HAPLN1: variants seen among roughly 807,000 people sequenced by gnomAD.
HAPLN1 encodes the protein Cartilage link protein.
A neutral mutation model predicts 36.5 loss-of-function variants in HAPLN1; 13 were observed. The observed-to-expected ratio is 0.36, with a 90% CI of 0.23 to 0.57. The LOEUF (loss-of-function observed/expected upper bound fraction) is 0.57. HAPLN1 is among the 20% of genes least tolerant of loss of function. The pLI is 0.83. For missense variants in HAPLN1, 407 were observed against 439.7 expected (o/e 0.93, Z 0.66); for synonymous variants, 202 against 169.8 (o/e 1.19, Z -1.48).
chr5:83,709,023 G>A (rs974096072), intron 1 of HAPLN1, among the ~76,000 whole-genome samples: 4 of 152,082 alleles, frequency 2.6e-5, no homozygotes, highest in Admixed American at 6.5e-5. Context: ...CTACAGGCAT[G>A]TGCCACCATG....
At position 83,652,634 on chromosome 5, in the gene HAPLN1, G is replaced by A; in HGVS notation, c.291C>T (p.Ser97=). 1.2e-6 allele frequency: 2 copies of A among 1,614,004 alleles called. No individual in the cohort carries two copies. The highest frequency in any genetic ancestry group is 1.7e-6 in the Non-Finnish European group (2 of 1,179,990). ...CATAGGTTTTTTTGTGGTATCCCAT[G>A]GAAACAAAAACATCCACTTCCTTGA... ...DYLKEVDVFV[S]MGYHKKTYGG... The change falls in exon 3 of 5, where the codon TCC becomes TCT. Residue 97 remains serine (S), a synonymous_variant. Coordinates refer to ENST00000274341, the MANE Select transcript of HAPLN1 (RefSeq NM_001884.4).
chr5:83,655,775 C>A (rs182919198), intron 2 of HAPLN1, among the ~76,000 whole-genome samples: 2 of 152,240 alleles, frequency 1.3e-5, no homozygotes, highest in East Asian at 3.9e-4. Context: ...CATGCCTTAG[C>A]TGTTGGACTC....
At chr5:83,709,080 T>C (rs543324794) in intron 1 of HAPLN1, among the ~76,000 whole-genome samples, 7 of 152,162 alleles carry the variant, frequency 4.6e-5, no homozygotes, top group African/African-American at 7.2e-5. Context: ...GTTTTCACCA[T>C]GTTGGTCAGG....
rs182944776 is a variant in HAPLN1, at chr5:83,650,796, G to A, written c.472+1657C>T. On this transcript the variant is annotated intron_variant, in intron 3 of 4. Coordinates refer to ENST00000274341, the MANE Select transcript of HAPLN1 (RefSeq NM_001884.4). ...ACTACAGGCGCCTGCCACCATGCCC[G>A]GCTAATTTTTTGTATTTTTAGTAGA... Among the ~76,000 whole-genome samples the A allele has an allele frequency of 6.3e-3, 955 of 151,572 alleles. 14 individuals carry two copies. The highest frequency in any genetic ancestry group is 0.022 in the African/African-American group (906 of 41,210).
At chr5:83,671,276 T>C (rs1343769024) in intron 2 of HAPLN1, among the ~76,000 whole-genome samples, 1 of 152,172 alleles carries the variant, frequency 6.6e-6, no homozygotes, top group East Asian at 1.9e-4. Context: ...AGAGTAATGA[T>C]ATTTTTACAG....
chr5:83,675,859 C>T (rs1213792617), intron 1 of HAPLN1, among the ~76,000 whole-genome samples: 1 of 152,238 alleles, frequency 6.6e-6, no homozygotes, highest in East Asian at 1.9e-4. Context: ...GGGATACAGA[C>T]AGTAATCTTG....
At chr5:83,703,412 C>CT (rs1751554820) in intron 1 of HAPLN1, 1 of 151,956 alleles carries the variant, frequency 6.6e-6, no homozygotes, top group African/African-American at 2.4e-5. Flanking sequence ...GTTTCCAGTT[C>CT]TTTTTTAAAA....
intron 1 of HAPLN1, among the ~76,000 whole-genome samples, chr5:83,713,633 T>C (rs544937965): frequency 1.3e-5 from 2 of 152,204 alleles, no homozygotes; most frequent in Non-Finnish European, 2.9e-5. Context: ...TCAACTCCTA[T>C]GAGTTTTTGG....
In HAPLN1 at chr5:83,657,269, G is replaced by C. The variant is rs555111910; in HGVS notation, c.101-4445C>G. Among the ~76,000 whole-genome samples the C allele has an allele frequency of 2.0e-5, 3 of 151,928 alleles. No homozygotes were observed. The South Asian group carries it at 6.2e-4, about 32-fold the overall frequency. ...TGCCACCACACCCTGCTAATTTTTTGTATTTTTTAGTAGAGATGGGGTTTC... is the reference window on the plus strand; with the variant it reads ...TGCCACCACACCCTGCTAATTTTTTCTATTTTTTAGTAGAGATGGGGTTTC... On this transcript the variant is annotated intron_variant, in intron 2 of 4. Transcript: ENST00000274341.
At chr5:83,711,757 T>C (rs955276739) in intron 1 of HAPLN1, among the ~76,000 whole-genome samples, 1 of 152,202 alleles carries the variant, frequency 6.6e-6, no homozygotes, top group Non-Finnish European at 1.5e-5. Flanking sequence ...CTTAAAAGTG[T>C]TCTGGTTTGA....
intron 1 of HAPLN1, among the ~76,000 whole-genome samples, chr5:83,713,142 C>G (rs969654344): frequency 2.0e-5 from 3 of 152,084 alleles, no homozygotes; most frequent in African/African-American, 7.2e-5. Context: ...CAAAATGCAG[C>G]AACATATATT....
At chr5:83,667,198 G>A (rs951362139) in intron 2 of HAPLN1, among the ~76,000 whole-genome samples, 1 of 152,078 alleles carries the variant, frequency 6.6e-6, no homozygotes, top group Non-Finnish European at 1.5e-5. Flanking sequence ...ACATATGTAT[G>A]TATACTCCTA....
At chr5:83,655,604 G>GT (rs1017617444) in intron 2 of HAPLN1, among the ~76,000 whole-genome samples, 1 of 152,030 alleles carries the variant, frequency 6.6e-6, no homozygotes, top group African/African-American at 2.4e-5. Flanking sequence ...GCAAAGGTAT[G>GT]TAACATATTT....
At chr5:83,695,286 C>G (rs1380016011) in intron 1 of HAPLN1, among the ~76,000 whole-genome samples, 1 of 151,752 alleles carries the variant, frequency 6.6e-6, no homozygotes, top group Admixed American at 6.6e-5. Flanking sequence ...CCACCACGCC[C>G]AGCTAATTTT....
At chr5:83,670,689 TTGTGTGTGTG>T (rs10572732) in intron 2 of HAPLN1, among the ~76,000 whole-genome samples, 21 of 148,924 alleles carry the variant, frequency 1.4e-4, no homozygotes, top group African/African-American at 4.4e-4. Flanking sequence ...TACCTTTGTT[TTGTGTGTGTG>T]TGTGTGTGTG....
intron 1 of HAPLN1, among the ~76,000 whole-genome samples, chr5:83,680,312 T>C (rs1272822578): frequency 6.6e-6 from 1 of 152,188 alleles, no homozygotes; most frequent in Non-Finnish European, 1.5e-5. Flanking sequence ...ATGTCATATT[T>C]TGTGTTTATA....
At chr5:83,659,010 A>G (rs901415620) in intron 2 of HAPLN1, among the ~76,000 whole-genome samples, 2 of 152,298 alleles carry the variant, frequency 1.3e-5, no homozygotes, top group African/African-American at 4.8e-5. Context: ...GCAGTGGCTC[A>G]TGCCTGTAAT....
In HAPLN1 at chr5:83,709,033, G is replaced by A. The variant is rs1025276562; in HGVS notation, c.-27+11756C>T. On this transcript the variant is annotated intron_variant, in intron 1 of 4. Coordinates refer to ENST00000274341, the MANE Select transcript of HAPLN1 (RefSeq NM_001884.4). ...TGGGACTACAGGCATGTGCCACCAT[G>A]CCCTGATAATTTTTTTTGTATTTTT... is the stretch of plus-strand genomic sequence containing the variant. 8.6e-4 allele frequency among the ~76,000 whole-genome samples: 130 copies of A among 152,032 alleles called. 1 individual carries two copies. The highest frequency in any genetic ancestry group is 1.5e-3 in the Non-Finnish European group (101 of 68,014).
chr5:83,643,552 C>T (rs182234203), intron 4 of HAPLN1, among the ~76,000 whole-genome samples: 2 of 152,214 alleles, frequency 1.3e-5, no homozygotes, highest in Non-Finnish European at 2.9e-5. Context: ...CTGTCACCAT[C>T]TTAAAATTTT....
Sources: gnomAD v4.1 joint callset for allele counts (sites outside exome capture counted in the v4.1 genomes callset) on GRCh38, gnomAD v4.1.1 for gene constraint, MANE v1.5 for transcripts, NCBI Gene and HGNC (gene_info 2026-07-23, HGNC 2026-07-21) for gene names.